The following TMEM132B variants were observed in gnomAD, a reference collection of about 807,000 sequenced individuals.
The protein encoded by TMEM132B is transmembrane protein 132B.
TMEM132B carries 18 observed loss-of-function variants against 90.8 expected under a neutral mutation model. That is an observed-to-expected ratio of 0.20 (90% CI 0.14 to 0.29). The LOEUF (loss-of-function observed/expected upper bound fraction) is 0.29, where lower values mean the gene tolerates loss of function less well. TMEM132B is among the 10% of genes least tolerant of loss of function. TMEM132B has a pLI of 1.00. For missense variants in TMEM132B, 1,096 were observed against 1,326.8 expected (o/e 0.83, Z 2.70); for synonymous variants, 504 against 523.3 (o/e 0.96, Z 0.50).
At chr12:125,303,428 G>A (rs1875883009) in intron 1 of TMEM132B, among the ~76,000 whole-genome samples, 1 of 152,146 alleles carries the variant, frequency 6.6e-6, no homozygotes, top group South Asian at 2.1e-4. Flanking sequence ...TGGATACTAT[G>A]AGTGATGCTG....
intron 4 of TMEM132B, among the ~76,000 whole-genome samples, chr12:125,580,119 AG>A (rs1434430388): frequency 2.0e-5 from 3 of 152,100 alleles, no homozygotes; most frequent in Non-Finnish European, 4.4e-5. Flanking sequence ...AATCAACCAG[AG>A]GTGAAAGCTT....
chr12:125,344,018 A>G (rs1351499146), intron 1 of TMEM132B, among the ~76,000 whole-genome samples: 2 of 152,238 alleles, frequency 1.3e-5, no homozygotes, highest in South Asian at 2.1e-4. Context: ...CATTCAGCAA[A>G]TATCTATTTA....
chr12:125,254,465 G>T (rs185776660), intron 1 of TMEM132B, among the ~76,000 whole-genome samples: 15 of 152,166 alleles, frequency 9.9e-5, no homozygotes, highest in Admixed American at 8.5e-4. Flanking sequence ...ATGTTTCCTT[G>T]AGGTTTTGCT....
intron 1 of TMEM132B, among the ~76,000 whole-genome samples, chr12:125,331,830 T>C (rs1256455346): frequency 6.6e-6 from 1 of 151,940 alleles, no homozygotes; most frequent in Non-Finnish European, 1.5e-5. Context: ...CTCAGCTCAC[T>C]GCAGCCTTGA....
At position 125,654,548 on chromosome 12, in the gene TMEM132B, G is replaced by A. The variant is rs1470394375; in HGVS notation, c.3090G>A (p.Lys1030=). 5 of 1,614,164 alleles carry A rather than the reference G, an allele frequency of 3.1e-6. No homozygotes were observed. In the East Asian group the frequency reaches 6.7e-5, roughly 22 times the overall value. Residue 1030 remains lysine (K), a synonymous_variant, in exon 9 of 9, where the codon AAG becomes AAA. Coordinates refer to ENST00000682704, the MANE Select transcript of TMEM132B (RefSeq NM_001366854.1). This position sits in a 1 kb window ranked among gnomAD's most constrained non-coding sequence, Gnocchi z 5.8. Reference sequence around the variant, plus strand: ...CGGGCCCAAAGAGGAAGAGAGTCAAGTTCACTTCCTACACCACCATCCTCC... The same window carrying A: ...CGGGCCCAAAGAGGAAGAGAGTCAAATTCACTTCCTACACCACCATCCTCC... ...NSSGPKRKRV[K]FTSYTTILPE...
intron 4 of TMEM132B, among the ~76,000 whole-genome samples, chr12:125,564,523 G>A (rs538570984): frequency 6.6e-6 from 1 of 152,318 alleles, no homozygotes; most frequent in East Asian, 1.9e-4. Flanking sequence ...CTGTCCATAA[G>A]ACAGATTGTT....
chr12:125,244,380 C>T lies in TMEM132B; in HGVS notation c.67+57514C>T, dbSNP rs192115140. ...AGCAGAGGTGGGTGTGAGGCATGAC[C>T]GCGCTATGGGGAGAGGATGGCACAG... On this transcript the variant is annotated intron_variant, in intron 1 of 8. Transcript: ENST00000682704. Among the ~76,000 whole-genome samples, 521 of 152,250 alleles carry T rather than the reference C, an allele frequency of 3.4e-3. 3 individuals carry two copies. The highest frequency in any genetic ancestry group is 0.012 in the African/African-American group (496 of 41,552).
Position 125,458,658 on chromosome 12 carries a change from C to T in TMEM132B, c.1106+42981C>T, listed in dbSNP as rs1881359016. ...GACTCACATCCATGCGGCCAGCGTC[C>T]GTGTCCCCTGCCTCTGAGAATGGCC... is the stretch of plus-strand genomic sequence containing the variant. On this transcript the variant is annotated intron_variant, in intron 3 of 8. Coordinates refer to ENST00000682704, the MANE Select transcript of TMEM132B (RefSeq NM_001366854.1). The surrounding 1 kb of genome is among the most constrained non-coding windows in gnomAD (Gnocchi z 4.9). Among the ~76,000 whole-genome samples the T allele has an allele frequency of 1.3e-5, 2 of 152,156 alleles. No homozygotes were observed. Among genetic ancestry groups the T allele is most frequent in the African/African-American group, 4.8e-5 (2 of 41,430 alleles).
chr12:125,474,380 C>A (rs1006120511), intron 3 of TMEM132B, among the ~76,000 whole-genome samples: 2 of 150,740 alleles, frequency 1.3e-5, no homozygotes, highest in African/African-American at 4.9e-5. Context: ...ACTGCAGCCT[C>A]AAAACCCTGG....
intron 3 of TMEM132B, among the ~76,000 whole-genome samples, chr12:125,503,653 C>T (rs78417334): frequency 0.013 from 1,995 of 152,312 alleles, 43 homozygotes; most frequent in African/African-American, 0.044. Flanking sequence ...GAGTCACGTA[C>T]ACTAGGCCTT....
intron 1 of TMEM132B, among the ~76,000 whole-genome samples, chr12:125,308,860 T>A (rs891528679): frequency 6.6e-6 from 1 of 152,212 alleles, no homozygotes; most frequent in African/African-American, 2.4e-5. Flanking sequence ...AATATGATCA[T>A]GAATTTAATG....
chr12:125,343,674 C>T (rs1006462907), intron 1 of TMEM132B, among the ~76,000 whole-genome samples: 2 of 152,194 alleles, frequency 1.3e-5, no homozygotes, highest in Admixed American at 6.5e-5. Flanking sequence ...ACTTATTTTA[C>T]AACTGCTGTG....
intron 2 of TMEM132B, among the ~76,000 whole-genome samples, chr12:125,397,624 T>C (rs1174409025): frequency 6.6e-6 from 1 of 152,212 alleles, no homozygotes; most frequent in Non-Finnish European, 1.5e-5. Flanking sequence ...ATGATTTTGC[T>C]GTGAGAGAGA....
At chr12:125,505,090 C>A (rs551075686) in intron 3 of TMEM132B, among the ~76,000 whole-genome samples, 1 of 145,392 alleles carries the variant, frequency 6.9e-6, no homozygotes, top group South Asian at 2.2e-4. Flanking sequence ...ATGCATTGTT[C>A]CACAGTGTCC....
At chr12:125,515,204 T>G (rs1050640299) in intron 3 of TMEM132B, among the ~76,000 whole-genome samples, 26 of 129,832 alleles carry the variant, frequency 2.0e-4, no homozygotes, top group Admixed American at 1.8e-3. Flanking sequence ...TCATGCACAC[T>G]CAAACACACA....
Position 125,400,653 on chromosome 12 carries a change from C to T in TMEM132B, c.960-14878C>T, listed in dbSNP as rs75742925. Among the ~76,000 whole-genome samples the T allele has an allele frequency of 4.0e-3, 602 of 152,310 alleles. 4 individuals are homozygous for T. Among genetic ancestry groups the T allele is most frequent in the Non-Finnish European group, 6.0e-3 (406 of 68,020 alleles). The stretch of plus-strand genomic sequence containing the variant: ...GCAAGGAGCTCTCAGCAGAGTCTGA[C>T]GTTACCAGCCTCCAGGTGCTTAGTG... On this transcript the variant is annotated intron_variant, in intron 2 of 8. Transcript: ENST00000682704.
intron 3 of TMEM132B, among the ~76,000 whole-genome samples, chr12:125,516,487 A>C (rs1859455): frequency 0.63 from 95,955 of 152,088 alleles, 31,631 homozygotes; most frequent in East Asian, 0.85. Flanking sequence ...TACATAAAAG[A>C]AGCTCTGCCT....
At chr12:125,280,567 C>T (rs1875132223) in intron 1 of TMEM132B, among the ~76,000 whole-genome samples, 2 of 152,226 alleles carry the variant, frequency 1.3e-5, no homozygotes, top group Admixed American at 1.3e-4. Flanking sequence ...CTCCCCTGGA[C>T]CTAGGCTGCC....
Position 125,243,096 on chromosome 12 carries a change from CATATATATATACACAT to C in TMEM132B, c.67+56246_67+56261del, listed in dbSNP as rs569082004. Reference sequence around the variant, plus strand: ...ATATACATATATACACATACATATACATATATATATACACATATATATATATACACACACACACACA... The same window carrying C: ...ATATACATATATACACATACATATACATATATATATACACACACACACACA... On this transcript the variant is annotated intron_variant, in intron 1 of 8. Transcript: ENST00000682704. 6.1e-3 allele frequency among the ~76,000 whole-genome samples: 713 copies of C among 116,670 alleles called. 3 individuals are homozygous for C. The highest frequency in any genetic ancestry group is 0.021 in the African/African-American group (659 of 31,508). 76.5% of individuals were successfully genotyped at this position (116,670 alleles called of 152,430 possible).
Sources: allele counts gnomAD v4.1 joint callset (sites outside exome capture counted in the v4.1 genomes callset), GRCh38; gene constraint gnomAD v4.1.1; non-coding constraint Gnocchi (gnomAD v3.1); transcripts MANE v1.5; gene names NCBI Gene and HGNC (gene_info 2026-07-23, HGNC 2026-07-21).